The following ZNF541 variants were observed in gnomAD, a reference collection of about 807,000 sequenced individuals.
The protein encoded by ZNF541 is zinc finger protein 541.
Under a neutral mutation model 123.5 loss-of-function variants are expected in ZNF541, and 23 were observed. That is an observed-to-expected ratio of 0.19 (90% confidence interval 0.13 to 0.26). The LOEUF (loss-of-function observed/expected upper bound fraction) is 0.26, where lower values mean the gene tolerates loss of function less well. Among genes scored for constraint, ZNF541 ranks in the 10% least tolerant of loss-of-function variants. The pLI is 1.00. For synonymous variants in ZNF541, 751 were observed against 754.5 expected, an observed-to-expected ratio of 1.00 and a Z score of 0.08; for missense variants, 1,612 against 1,789.9, an observed-to-expected ratio of 0.90 and a Z score of 1.79.
chr19:47,525,966 T>C lies in ZNF541; in HGVS notation c.3570+2984A>G, dbSNP rs192255456. 2.6e-3 allele frequency among the ~76,000 whole-genome samples: 347 copies of C among 132,780 alleles called. 1 individual carries two copies. Among genetic ancestry groups the C allele is most frequent in the Non-Finnish European group, 4.0e-3 (243 of 60,902 alleles). The allele number at this position is 132,780 out of a possible 152,430, so 87.1% of individuals were successfully genotyped here. A position where few individuals can be genotyped will look rare whatever the true frequency, so the allele number is the denominator to read the frequency against. ...ACTTCTAGAGAAAACAAGGGGAAAA[T>C]CTTTGTGGTTGGGTTAGGCAAAGAA... is the stretch of plus-strand genomic sequence containing the variant. On this transcript the variant is annotated intron_variant, in intron 14 of 16. Coordinates refer to ENST00000391901, the MANE Select transcript of ZNF541 (RefSeq NM_001277075.3).
chr19:47,549,534 C>T lies in ZNF541; in HGVS notation c.308-49G>A, dbSNP rs73574343. ...GTTATACACAGCCAAGGCAACCAAG[C>T]GAAAAGCACGACTAAGGCACTCTAC... On this transcript the variant is annotated intron_variant, in intron 3 of 16. Transcript: ENST00000391901. The T allele has an allele frequency of 3.9e-3, 5,988 of 1,545,762 alleles. 195 individuals are homozygous for T. In the African/African-American group the frequency reaches 0.072, roughly 19 times the overall value.
At chr19:47,573,006 T>C (rs764302850) in intron 1 of ZNF541, among the ~76,000 whole-genome samples, 77 bp downstream of exon 1, 7 of 146,322 alleles carry the variant, frequency 4.8e-5, no homozygotes, top group Non-Finnish European at 7.5e-5. Flanking sequence ...GGGGGAGGGG[T>C]TGAAAAAAGA....
intron 14 of ZNF541, among the ~76,000 whole-genome samples, chr19:47,527,172 A>C (rs1460048542): frequency 6.6e-6 from 1 of 152,202 alleles, no homozygotes; most frequent in East Asian, 1.9e-4. Context: ...GACTGAGGAC[A>C]GGGGGTGCAA....
intron 2 of ZNF541, among the ~76,000 whole-genome samples, chr19:47,564,424 T>C (rs149110942): frequency 6.6e-6 from 1 of 152,354 alleles, no homozygotes; most frequent in East Asian, 1.9e-4. Flanking sequence ...ACAAGAGTTT[T>C]AGCACCTTCT....
At chr19:47,533,322 T>C (rs1969665230) in intron 9 of ZNF541, among the ~76,000 whole-genome samples, 2 of 115,258 alleles carry the variant, frequency 1.7e-5, no homozygotes, top group Non-Finnish European at 3.2e-5. Context: ...ATCGCGCCAC[T>C]GCACTCCAGC....
intron 10 of ZNF541, 123 bp from the exon 11 acceptor site, chr19:47,532,393 G>T: frequency 8.9e-7 from 1 of 1,122,640 alleles, no homozygotes; most frequent in Non-Finnish European, 1.3e-6. Flanking sequence ...ACCCTCTGCT[G>T]TCTCAGGTGC....
chr19:47,553,927 T>C (rs1266338302), intron 3 of ZNF541, among the ~76,000 whole-genome samples: 1 of 152,184 alleles, frequency 6.6e-6, no homozygotes, highest in Non-Finnish European at 1.5e-5. Flanking sequence ...AAACTCAACA[T>C]GTACAAAGTT....
intron 14 of ZNF541, among the ~76,000 whole-genome samples, chr19:47,523,174 G>A (rs1384382071): frequency 1.3e-5 from 2 of 149,578 alleles, no homozygotes; most frequent in East Asian, 3.9e-4. Context: ...GACTATAGGC[G>A]CGCACCACCA....
chr19:47,546,103 GC>G, intron 4 of ZNF541, 123 bp from the exon 5 acceptor site: 2 of 837,456 alleles, frequency 2.4e-6, no homozygotes, highest in Non-Finnish European at 3.3e-6. Flanking sequence ...ATTGTACTCA[GC>G]CCCCACGAGG....
In ZNF541 at chr19:47,545,273, A is replaced by G. The variant is rs561466278; in HGVS notation, c.1256T>C (p.Leu419Pro). The G allele has an allele frequency of 9.7e-6, 15 of 1,549,486 alleles. No individual in the cohort carries two copies. In the African/African-American group the frequency reaches 1.9e-4, roughly 20 times the overall value. ...GCCTTTGCTTTTGGGACAGCCCGGC[A>G]GGTTCCGGAGCCACTGGAAGCTGTG... is the stretch of plus-strand genomic sequence containing the variant. ...SSHSFQWLRN[L>P]PGCPKSKGNN... is the part of the protein sequence containing the mutation. The change falls in exon 5 of 17, where the codon CTG (leucine) becomes CCG (proline). Residue 419 changes from leucine to proline, a missense_variant. Leu to Pro is a moderately conservative substitution (Grantham distance 98). Coordinates refer to ENST00000391901, the MANE Select transcript of ZNF541 (RefSeq NM_001277075.3). The surrounding 1 kb of genome is among the most constrained non-coding windows in gnomAD (Gnocchi z 7.5).
In ZNF541 at chr19:47,549,231, A is replaced by G; in HGVS notation, c.548+14T>C. On this transcript the variant is annotated intron_variant, in intron 4 of 16. Transcript: ENST00000391901. ...CCCCTGAACAGACGTTTTTCTGACC[A>G]GACTCCCACATACAGGTGGTCCTGG... The G allele has an allele frequency of 1.9e-6, 3 of 1,551,826 alleles. No individual in the cohort carries two copies. Among genetic ancestry groups the G allele is most frequent in the Non-Finnish European group, 2.6e-6 (3 of 1,146,944 alleles).
At position 47,544,939 on chromosome 19, in the gene ZNF541, G is replaced by A. The variant is rs1329286673; in HGVS notation, c.1590C>T (p.Leu530=). The A allele has an allele frequency of 1.3e-6, 2 of 1,535,462 alleles. No homozygotes were observed. Among genetic ancestry groups the A allele is most frequent in the Non-Finnish European group, 8.7e-7 (1 of 1,146,668 alleles). ...GLQEAQKAGG[L]PADASPLFRQ... ...GGAAGAGCGGCGAGGCATCCGCAGG[G>A]AGCCCGCCTGCCTTCTGGGCCTCCT... The change falls in exon 5 of 17, where the codon CTC becomes CTT. Residue 530 remains leucine, a synonymous_variant. Transcript: ENST00000391901.
chr19:47,537,284 CCAGGCA>C (rs1174875006), intron 9 of ZNF541, among the ~76,000 whole-genome samples: 23 of 152,134 alleles, frequency 1.5e-4, no homozygotes, highest in Admixed American at 1.5e-3. Flanking sequence ...ATAGGCCAGG[CCAGGCA>C]CAGTGGCTCA....
intron 3 of ZNF541, among the ~76,000 whole-genome samples, chr19:47,550,181 G>A (rs1199751169): frequency 6.6e-6 from 1 of 152,002 alleles, no homozygotes; most frequent in African/African-American, 2.4e-5. Context: ...GAACCCAGGA[G>A]GCGGAAGCTG....
In ZNF541 at chr19:47,521,398, A is replaced by G. The variant is rs1398413034; in HGVS notation, c.3888-21T>C. On this transcript the variant is annotated intron_variant, in intron 16 of 16. Transcript: ENST00000391901. The surrounding 1 kb of genome is among the most constrained non-coding windows in gnomAD (Gnocchi z 4.2). ...ACACCCTGAGGAGTCACCAGAGGAC[A>G]TGGGGTCAGAGCAGGGAGGAAGGGA... 74 of 1,551,478 alleles carry G rather than the reference A, an allele frequency of 4.8e-5. No individual in the cohort carries two copies. The highest frequency in any genetic ancestry group is 6.0e-5 in the Non-Finnish European group (69 of 1,146,846).
chr19:47,534,163 T>C (rs1325629564), intron 9 of ZNF541, among the ~76,000 whole-genome samples: 3 of 152,192 alleles, frequency 2.0e-5, no homozygotes, highest in African/African-American at 7.2e-5. Context: ...ATAACCAAAA[T>C]GGGGCTCAAT....
chr19:47,544,188 A>G lies in ZNF541; in HGVS notation c.2341T>C (p.Ser781Pro), dbSNP rs201407638. ...SPSQVAMASF[S>P]SAGPPADPSK... ...GGATCTGCCGGGGGCCCGGCCGATG[A>G]GAAGGAGGCCATGGCTACCTGGCTC... The change falls in exon 5 of 17, where the codon TCA (serine) becomes CCA (proline). Residue 781 changes from serine (S) to proline (P), a missense_variant. Ser to Pro is a moderately conservative substitution (Grantham distance 74). Transcript: ENST00000391901. 1.9e-6 allele frequency: 3 copies of G among 1,551,270 alleles called. No homozygotes were observed. Among genetic ancestry groups the G allele is most frequent in the Admixed American group, 3.9e-5 (2 of 50,972 alleles).
At position 47,544,755 on chromosome 19, in the gene ZNF541, G is replaced by C; in HGVS notation, c.1774C>G (p.Pro592Ala). The C allele has an allele frequency of 6.7e-7, 1 of 1,502,928 alleles. No homozygotes were observed. Among genetic ancestry groups the C allele is most frequent in the Non-Finnish European group, 8.9e-7 (1 of 1,128,374 alleles). The allele number at this position is 1,502,928 out of a possible 1,614,324, so 93.1% of individuals were successfully genotyped here. A position where few individuals can be genotyped will look rare whatever the true frequency, so the allele number is the denominator to read the frequency against. ...APEGKPAALR[P>A]LQGPWPQQPP... is the part of the protein sequence containing the mutation. Reference sequence around the variant, plus strand: ...TGCTGCGGCCACGGCCCCTGCAGCGGCCTCAGGGCGGCTGGTTTGCCCTCG... The same window carrying C: ...TGCTGCGGCCACGGCCCCTGCAGCGCCCTCAGGGCGGCTGGTTTGCCCTCG... The change falls in exon 5 of 17, where the codon CCG (proline) becomes GCG (alanine). Residue 592 changes from proline (P) to alanine (A), a missense_variant. By Grantham distance (27) the Pro-to-Ala change is conservative. Transcript: ENST00000391901.
At chr19:47,566,677 C>T (rs752338680) in intron 2 of ZNF541, among the ~76,000 whole-genome samples, 16 of 151,664 alleles carry the variant, frequency 1.1e-4, no homozygotes, top group Non-Finnish European at 1.6e-4. Context: ...ACTTGGGAGG[C>T]GGAGGTTGCA....
Sources: gnomAD v4.1 joint callset for allele counts (sites outside exome capture counted in the v4.1 genomes callset) on GRCh38, gnomAD v4.1.1 for gene constraint, Gnocchi (gnomAD v3.1) non-coding constraint, MANE v1.5 for transcripts, NCBI Gene and HGNC (gene_info 2026-07-23, HGNC 2026-07-21) for gene names.